The following RANBP2 variants were observed in gnomAD, a reference collection of about 807,000 sequenced individuals.
The protein encoded by RANBP2 is E3 SUMO-protein ligase RanBP2.
In RANBP2, 57 loss-of-function variants were observed where a neutral mutation model predicts 303.6. The ratio of observed to expected loss-of-function variants is 0.19; its 90% CI spans 0.15 to 0.23. The LOEUF (loss-of-function observed/expected upper bound fraction) is 0.23. Among genes scored for constraint, RANBP2 ranks in the 10% least tolerant of loss-of-function variants. RANBP2 has a pLI of 1.00. For missense variants in RANBP2, 3,138 were observed against 3,780.8 expected, an observed-to-expected ratio of 0.83 and a Z score of 4.46; for synonymous variants, 1,167 against 1,301.5, an observed-to-expected ratio of 0.90 and a Z score of 2.23.
At chr2:108,837,849 A>G in the RANBP2 span, among the ~76,000 whole-genome samples, 6 of 152,152 alleles carry the variant, frequency 3.9e-5, no homozygotes, top group African/African-American at 7.2e-5. Flanking sequence ...AAGAGAGTAT[A>G]TGGCTAGTAA....
the RANBP2 span, among the ~76,000 whole-genome samples, chr2:109,133,150 G>C: frequency 5.3e-4 from 81 of 152,278 alleles, 1 homozygote; most frequent in African/African-American, 1.6e-3. Flanking sequence ...GGCACTGACC[G>C]GTGTCACTCC....
the RANBP2 span, among the ~76,000 whole-genome samples, chr2:109,609,953 G>A: frequency 6.6e-6 from 1 of 152,084 alleles, no homozygotes; most frequent in African/African-American, 2.4e-5. Flanking sequence ...TAATTATACA[G>A]CCAGGATCTC....
the RANBP2 span, among the ~76,000 whole-genome samples, chr2:109,493,993 G>T: frequency 1.3e-5 from 2 of 152,170 alleles, no homozygotes; most frequent in African/African-American, 4.8e-5. Context: ...CCTGCTGCCT[G>T]TGTTTTCCGG....
chr2:109,325,203 T>C, the RANBP2 span, among the ~76,000 whole-genome samples: 1 of 152,092 alleles, frequency 6.6e-6, no homozygotes, highest in South Asian at 2.1e-4. Context: ...GTGTCTCACT[T>C]CATCCCTCCA....
intron 19 of RANBP2, 100 bp downstream of exon 19, chr2:108,762,295 T>C (rs1223955181): frequency 4.3e-6 from 5 of 1,164,560 alleles, no homozygotes; most frequent in Admixed American, 3.3e-5. Flanking sequence ...ATTAAAACTT[T>C]TATGTCCCTT....
chr2:109,351,007 A>G, the RANBP2 span, among the ~76,000 whole-genome samples: 1 of 152,278 alleles, frequency 6.6e-6, no homozygotes, highest in Non-Finnish European at 1.5e-5. Flanking sequence ...TAGTCCTGTT[A>G]AAGTGGCATT....
At chr2:109,400,458 C>CACACAT in the RANBP2 span, among the ~76,000 whole-genome samples, 2 of 152,164 alleles carry the variant, frequency 1.3e-5, no homozygotes, top group Admixed American at 6.5e-5. Context: ...TCCACATGCA[C>CACACAT]ACACATACAC....
the RANBP2 span, among the ~76,000 whole-genome samples, chr2:109,672,292 A>G: frequency 6.6e-6 from 1 of 152,244 alleles, no homozygotes; most frequent in Non-Finnish European, 1.5e-5. Flanking sequence ...TCTCTCACAT[A>G]TTAGTCTGGA....
the RANBP2 span, among the ~76,000 whole-genome samples, chr2:109,393,239 A>G: frequency 2.0e-5 from 3 of 152,228 alleles, no homozygotes; most frequent in Non-Finnish European, 4.4e-5. Flanking sequence ...CGAACGCCCC[A>G]CAGGAGTCTC....
At chr2:109,012,378 A>C in the RANBP2 span, among the ~76,000 whole-genome samples, 15 of 152,284 alleles carry the variant, frequency 9.9e-5, no homozygotes, top group East Asian at 2.9e-3. Context: ...CTCTGTCTTC[A>C]GGCGTACCTG....
Position 108,732,258 on chromosome 2 carries a change from C to G in RANBP2, c.405+784C>G, listed in dbSNP as rs573046805. On this transcript the variant is annotated intron_variant, in intron 4 of 28. Coordinates refer to ENST00000283195, the MANE Select transcript of RANBP2 (RefSeq NM_006267.5). ...TGCACAGGAAGTTGCAAAGATTGTA[C>G]AGAAAGATTCTGTATGCTACTTCAT... Among the ~76,000 whole-genome samples, 4 of 152,098 alleles carry G rather than the reference C, an allele frequency of 2.6e-5. No homozygotes were observed. The South Asian group carries it at 8.3e-4, about 32-fold the overall frequency.
At chr2:109,190,659 TC>T in the RANBP2 span, among the ~76,000 whole-genome samples, 1 of 152,200 alleles carries the variant, frequency 6.6e-6, no homozygotes, top group Non-Finnish European at 1.5e-5. Flanking sequence ...TTGTTTCATT[TC>T]TACAGTCTAT....
At chr2:108,994,795 TA>T in the RANBP2 span, among the ~76,000 whole-genome samples, 5 of 111,064 alleles carry the variant, frequency 4.5e-5, no homozygotes, top group Middle Eastern at 4.9e-3. Context: ...TGCATTGGGT[TA>T]TATATATATA....
At chr2:108,729,791 C>T (rs1298554982) in intron 2 of RANBP2, among the ~76,000 whole-genome samples, 3 of 151,026 alleles carry the variant, frequency 2.0e-5, no homozygotes, top group Non-Finnish European at 4.4e-5. Context: ...TCCATCTTTG[C>T]TCACTGTAAC....
chr2:109,008,221 G>T, the RANBP2 span, among the ~76,000 whole-genome samples: 1 of 152,140 alleles, frequency 6.6e-6, no homozygotes, highest in Non-Finnish European at 1.5e-5. Context: ...TATTTTCACT[G>T]CTAGAGAGTA....
At chr2:109,690,864 T>C in the RANBP2 span, among the ~76,000 whole-genome samples, 1 of 152,190 alleles carries the variant, frequency 6.6e-6, no homozygotes, top group African/African-American at 2.4e-5. Flanking sequence ...TTCCTTCATG[T>C]ACACTCAGTA....
the RANBP2 span, among the ~76,000 whole-genome samples, chr2:109,508,816 T>C: frequency 2.0e-5 from 3 of 152,210 alleles, no homozygotes; most frequent in East Asian, 5.8e-4. Context: ...GAGACACAGC[T>C]GCCCACCCCA....
At chr2:109,230,046 G>A in the RANBP2 span, among the ~76,000 whole-genome samples, 3 of 151,674 alleles carry the variant, frequency 2.0e-5, no homozygotes, top group Non-Finnish European at 2.9e-5. Flanking sequence ...GGATGGTCTC[G>A]ATCTCTTGAC....
the RANBP2 span, among the ~76,000 whole-genome samples, chr2:109,492,560 C>T: frequency 1.3e-5 from 2 of 152,142 alleles, no homozygotes; most frequent in African/African-American, 2.4e-5. Flanking sequence ...TTTCCCCAAG[C>T]GCTACATGTG....
Sources: gnomAD v4.1 joint callset for allele counts (sites outside exome capture counted in the v4.1 genomes callset) on GRCh38, gnomAD v4.1.1 for gene constraint, MANE v1.5 for transcripts, NCBI Gene and HGNC (gene_info 2026-07-23, HGNC 2026-07-21) for gene names.